The following SORT1 variants were observed in gnomAD, a reference collection of about 807,000 sequenced individuals.
SORT1 encodes sortilin 1.
A neutral mutation model predicts 101.7 loss-of-function variants in SORT1; 39 were observed. The ratio of observed to expected loss-of-function variants is 0.38; its 90% CI spans 0.30 to 0.50. The LOEUF is 0.50. Ranked by LOEUF, SORT1 falls within the 20% of genes least tolerant of loss-of-function variation. The probability of loss-of-function intolerance (pLI) is 0.90; values close to 1 mark genes in which losing one functional copy is unlikely to be tolerated. For missense variants in SORT1, 878 were observed against 1,040.4 expected, an observed-to-expected ratio of 0.84 and a Z score of 2.15; for synonymous variants, 396 against 393.7, an observed-to-expected ratio of 1.01 and a Z score of -0.07.
At chr1:109,389,382 G>T (rs1652771677) in intron 1 of SORT1, among the ~76,000 whole-genome samples, 3 of 152,098 alleles carry the variant, frequency 2.0e-5, no homozygotes. Flanking sequence ...ACTTATAACT[G>T]GGATCTCATA....
In SORT1 at chr1:109,312,466, T is replaced by A. The variant is rs1353141448; in HGVS notation, c.*1577A>T. 1.3e-5 allele frequency: 2 copies of A among 152,160 alleles called. No individual in the cohort carries two copies. Among genetic ancestry groups the A allele is most frequent in the Non-Finnish European group, 2.9e-5 (2 of 67,990 alleles). The allele number at this position is 152,160 out of a possible 1,614,324, so 9.4% of individuals were successfully genotyped here. On this transcript the variant is annotated 3_prime_UTR_variant, in exon 20 of 20. Transcript: ENST00000256637. ...TAATCCATTCTGGGGAGGAGAGAAC[T>A]TAGCCATCTGCTCACATTCTGACTA...
At chr1:109,353,340 A>AC (rs1331114476) in intron 5 of SORT1, among the ~76,000 whole-genome samples, 3 of 151,182 alleles carry the variant, frequency 2.0e-5, no homozygotes, top group East Asian at 3.9e-4. Context: ...AAAAAAAAAA[A>AC]AAAAAAAAAA....
At chr1:109,344,793 C>G (rs1371437174) in intron 8 of SORT1, among the ~76,000 whole-genome samples, 2 of 152,142 alleles carry the variant, frequency 1.3e-5, no homozygotes, top group African/African-American at 4.8e-5. Flanking sequence ...CCTCCCCAGG[C>G]TCAGATGATC....
chr1:109,321,026 T>C (rs555451168), intron 15 of SORT1, among the ~76,000 whole-genome samples: 37 of 152,308 alleles, frequency 2.4e-4, no homozygotes, highest in Non-Finnish European at 5.0e-4. Context: ...GCTCTGCCAC[T>C]TCCCACGGGC....
intron 1 of SORT1, among the ~76,000 whole-genome samples, chr1:109,380,367 A>G (rs1652144002): frequency 6.6e-6 from 1 of 152,184 alleles, no homozygotes; most frequent in South Asian, 2.1e-4. Context: ...AAATGGTACA[A>G]AAATCAGAAC....
intron 12 of SORT1, among the ~76,000 whole-genome samples, 165 bp downstream of exon 12, chr1:109,327,334 A>C (rs757936722): frequency 1.6e-4 from 24 of 152,248 alleles, no homozygotes; most frequent in Non-Finnish European, 1.3e-4. Flanking sequence ...TCTCTGATAA[A>C]AGTTGATGAA....
intron 13 of SORT1, among the ~76,000 whole-genome samples, chr1:109,326,428 AATATATAT>A (rs1166570516): frequency 0.019 from 1,349 of 70,890 alleles, 67 homozygotes; most frequent in African/African-American, 0.071. Flanking sequence ...AGACAGAAAG[AATATATAT>A]ATATATATAT....
Position 109,321,361 on chromosome 1 carries a change from T to G in SORT1, c.2024+1571A>C, listed in dbSNP as rs1647612523. On this transcript the variant is annotated intron_variant, in intron 15 of 19. Coordinates refer to ENST00000256637, the MANE Select transcript of SORT1 (RefSeq NM_002959.7). ...TGAAGCAGGGACTGTGGAAAGACTT[T>G]TCAGGCAGAGGGAGCATCATGTGCG... 2.0e-5 allele frequency among the ~76,000 whole-genome samples: 3 copies of G among 152,054 alleles called. 1 individual carries two copies. The South Asian group carries it at 6.2e-4, about 32-fold the overall frequency.
chr1:109,358,966 G>A (rs1446388819), intron 3 of SORT1, among the ~76,000 whole-genome samples: 2 of 152,056 alleles, frequency 1.3e-5, no homozygotes, highest in African/African-American at 2.4e-5. Context: ...TATCCACGGT[G>A]TAAACATGCA....
intron 1 of SORT1, among the ~76,000 whole-genome samples, chr1:109,373,149 T>C (rs1449909950): frequency 6.6e-6 from 1 of 152,144 alleles, no homozygotes; most frequent in Non-Finnish European, 1.5e-5. Flanking sequence ...AGGACGACGA[T>C]TCCTGAAAGA....
chr1:109,347,807 C>T (rs1649699055), intron 6 of SORT1, among the ~76,000 whole-genome samples: 1 of 152,186 alleles, frequency 6.6e-6, no homozygotes, highest in African/African-American at 2.4e-5. Context: ...TTGCCTCTGA[C>T]ATTTTTGATC....
Position 109,397,680 on chromosome 1 carries a change from GCGGGGAAACGCGC to G in SORT1, c.200_212del (p.Gly67AlafsTer55). 1 of 1,198,586 alleles carries G rather than the reference GCGGGGAAACGCGC, an allele frequency of 8.3e-7. No individual in the cohort carries two copies. The highest frequency in any genetic ancestry group is 1.0e-6 in the Non-Finnish European group (1 of 966,318). The allele number at this position is 1,198,586 out of a possible 1,614,324, so 74.2% of individuals were successfully genotyped here. A position where few individuals can be genotyped will look rare whatever the true frequency, so the allele number is the denominator to read the frequency against. ...GCGCGCTGCGACGCCAACGGCCGCC[GCGGGGAAACGCGC>G]CCCCGGCTGCGGCCGCCCGCAGCCC... On this transcript the variant is annotated frameshift_variant, in exon 1 of 20. Transcript: ENST00000256637. LOFTEE classifies it high-confidence loss of function.
At chr1:109,344,120 A>G (rs573588548) in intron 8 of SORT1, among the ~76,000 whole-genome samples, 2 of 152,188 alleles carry the variant, frequency 1.3e-5, no homozygotes, top group South Asian at 4.2e-4. Context: ...TCCTATTAGT[A>G]ATATGTTTAA....
intron 1 of SORT1, among the ~76,000 whole-genome samples, chr1:109,370,767 C>G (rs1651440057): frequency 6.6e-6 from 1 of 152,142 alleles, no homozygotes; most frequent in Non-Finnish European, 1.5e-5. Flanking sequence ...TAACTTTATA[C>G]TTCTTGGTAC....
At chr1:109,392,474 A>C in intron 1 of SORT1, 2 of 309,190 alleles carry the variant, frequency 6.5e-6, no homozygotes, top group Non-Finnish European at 9.5e-6. Context: ...AGCCATTAGA[A>C]ATTGAACAGA....
intron 1 of SORT1, among the ~76,000 whole-genome samples, chr1:109,371,311 T>C (rs556471950): frequency 1.3e-5 from 2 of 152,178 alleles, no homozygotes; most frequent in African/African-American, 4.8e-5. Flanking sequence ...ATTTCACACA[T>C]AGCAAAACCT....
intron 1 of SORT1, among the ~76,000 whole-genome samples, chr1:109,385,247 C>T (rs1652503049): frequency 6.6e-6 from 1 of 152,104 alleles, no homozygotes; most frequent in Non-Finnish European, 1.5e-5. Context: ...CGATTAAGTT[C>T]CTAAAACATG....
chr1:109,351,046 G>A (rs747013898), intron 5 of SORT1, 44 bp from the exon 6 acceptor site: 2 of 1,272,212 alleles, frequency 1.6e-6, no homozygotes, highest in South Asian at 2.4e-5. Context: ...GCTTTATCCT[G>A]TGTAGTTGCT....
chr1:109,319,112 T>G (rs1277935779), intron 15 of SORT1, among the ~76,000 whole-genome samples: 1 of 152,206 alleles, frequency 6.6e-6, no homozygotes, highest in African/African-American at 2.4e-5. Flanking sequence ...ATGTCATTAT[T>G]ATGTTGCCCT....
Sources: allele counts gnomAD v4.1 joint callset (sites outside exome capture counted in the v4.1 genomes callset), GRCh38; gene constraint gnomAD v4.1.1; transcripts MANE v1.5; gene names NCBI Gene and HGNC (gene_info 2026-07-23, HGNC 2026-07-21).